The following ATG10 variants were observed in gnomAD, a reference collection of about 807,000 sequenced individuals.
The protein encoded by ATG10 is ubiquitin-like-conjugating enzyme ATG10.
ATG10 carries 30 observed loss-of-function variants against 32.1 expected under a neutral mutation model. The ratio of observed to expected loss-of-function variants is 0.94; its 90% CI spans 0.70 to 1.27. The LOEUF (loss-of-function observed/expected upper bound fraction) is 1.27. Among genes scored for constraint, ATG10 ranks in the 50% most tolerant of loss-of-function variants. The pLI, the probability that ATG10 is intolerant of heterozygous loss-of-function variation, is 0.00. For synonymous variants in ATG10, 87 were observed against 91.5 expected (o/e 0.95, Z 0.28); for missense variants, 233 against 262.3 (o/e 0.89, Z 0.77).
chr5:82,164,011 C>T (rs1400011577), intron 3 of ATG10, among the ~76,000 whole-genome samples: 1 of 152,182 alleles, frequency 6.6e-6, no homozygotes, highest in Non-Finnish European at 1.5e-5. Context: ...CATTTCACAG[C>T]CTCTTGTTCA....
At position 82,164,393 on chromosome 5, in the gene ATG10, T is replaced by A; in HGVS notation, c.217-6T>A. On this transcript the variant is annotated splice_polypyrimidine_tract_variant and splice_region_variant and intron_variant, in intron 3 of 7. Transcript: ENST00000282185. The stretch of plus-strand genomic sequence containing the variant: ...CCGTTTTCGTTTTGTTTTTGCTTTT[T>A]TTTAGGAGGCTTTCGAGCTACCCTT... 1 of 1,613,384 alleles carries A rather than the reference T, an allele frequency of 6.2e-7. No individual in the cohort carries two copies. The highest frequency in any genetic ancestry group is 8.5e-7 in the Non-Finnish European group (1 of 1,179,836).
intron 3 of ATG10, among the ~76,000 whole-genome samples, chr5:82,083,021 G>T (rs550514422): frequency 1.3e-5 from 2 of 152,334 alleles, no homozygotes; most frequent in Admixed American, 1.3e-4. Flanking sequence ...AGCCCATGGA[G>T]CAGGGCGAGG....
intron 3 of ATG10, among the ~76,000 whole-genome samples, chr5:82,158,731 A>G (rs1022530570): frequency 1.3e-5 from 2 of 152,164 alleles, no homozygotes; most frequent in South Asian, 4.1e-4. Flanking sequence ...TAAAAGAAAA[A>G]TAATAAAAAT....
chr5:82,028,205 C>T (rs1762646963), intron 2 of ATG10, among the ~76,000 whole-genome samples: 1 of 152,110 alleles, frequency 6.6e-6, no homozygotes, highest in East Asian at 1.9e-4. Flanking sequence ...AGCATTAATC[C>T]AGATTATTAT....
intron 3 of ATG10, among the ~76,000 whole-genome samples, chr5:82,087,609 A>G (rs1400890093): frequency 1.3e-5 from 2 of 152,140 alleles, no homozygotes; most frequent in Non-Finnish European, 2.9e-5. Context: ...TGCTGGTGAT[A>G]TAGTGGTGAA....
At chr5:82,132,537 G>A (rs1167714499) in intron 3 of ATG10, among the ~76,000 whole-genome samples, 1 of 151,848 alleles carries the variant, frequency 6.6e-6, no homozygotes, top group African/African-American at 2.4e-5. Context: ...AATTTGGTGA[G>A]AATGATGGTT....
rs555659308 is a variant in ATG10, at chr5:82,231,453, C to G, written c.454-21109C>G. 3.9e-5 allele frequency among the ~76,000 whole-genome samples: 6 copies of G among 152,266 alleles called. No individual in the cohort carries two copies. In the East Asian group the frequency reaches 1.2e-3, roughly 29 times the overall value. On this transcript the variant is annotated intron_variant, in intron 5 of 7. Transcript: ENST00000282185. ...ACCTTACTTGCAAAACACCATAATA[C>G]AATGGTTGTCTGAAAAGCTCTATTA...
intron 2 of ATG10, 91 bp downstream of exon 2, chr5:81,987,769 G>T: frequency 3.4e-6 from 3 of 887,712 alleles, no homozygotes; most frequent in African/African-American, 1.7e-5. Flanking sequence ...CTCCATAATT[G>T]AAATTAAGGT....
At chr5:82,090,321 G>A (rs1430521281) in intron 3 of ATG10, among the ~76,000 whole-genome samples, 16 of 151,970 alleles carry the variant, frequency 1.1e-4, no homozygotes. Flanking sequence ...AATTTTTATA[G>A]TAGTTTTATT....
intron 2 of ATG10, among the ~76,000 whole-genome samples, chr5:82,049,523 A>T (rs180962940): frequency 0.011 from 1,666 of 152,250 alleles, 16 homozygotes; most frequent in Non-Finnish European, 0.018. Context: ...CACATTGTGC[A>T]CATGTACCCT....
chr5:82,116,633 A>G (rs1001359803), intron 3 of ATG10, among the ~76,000 whole-genome samples: 3 of 152,086 alleles, frequency 2.0e-5, no homozygotes, highest in African/African-American at 7.2e-5. Context: ...GGTCTATTAT[A>G]TTATTGCCTC....
intron 2 of ATG10, among the ~76,000 whole-genome samples, chr5:82,015,549 C>T (rs997360313): frequency 6.6e-6 from 1 of 152,158 alleles, no homozygotes. Context: ...TTTCTCTAAA[C>T]TTCTCTTCTC....
chr5:82,043,109 A>T (rs1175518560), intron 2 of ATG10, among the ~76,000 whole-genome samples: 2 of 152,180 alleles, frequency 1.3e-5, no homozygotes, highest in African/African-American at 4.8e-5. Flanking sequence ...TTCTGCCTGG[A>T]CATATAGGCA....
intron 3 of ATG10, among the ~76,000 whole-genome samples, chr5:82,163,626 A>C (rs1743455208): frequency 6.6e-6 from 1 of 152,162 alleles, no homozygotes; most frequent in African/African-American, 2.4e-5. Flanking sequence ...AGTGGATGGA[A>C]CCAGGGTCTG....
intron 3 of ATG10, among the ~76,000 whole-genome samples, chr5:82,097,008 G>A (rs1765090584): frequency 6.6e-6 from 1 of 152,082 alleles, no homozygotes; most frequent in South Asian, 2.1e-4. Flanking sequence ...AGTAGTGTGT[G>A]CATTGTGAAG....
intron 3 of ATG10, among the ~76,000 whole-genome samples, chr5:82,129,486 A>C (rs1327603663): frequency 1.3e-5 from 2 of 151,798 alleles, no homozygotes; most frequent in Non-Finnish European, 1.5e-5. Flanking sequence ...GGATTTACCT[A>C]CCTTTGGTCT....
chr5:82,152,914 C>G (rs1767660709), intron 3 of ATG10, among the ~76,000 whole-genome samples: 2 of 152,090 alleles, frequency 1.3e-5, no homozygotes, highest in African/African-American at 2.4e-5. Flanking sequence ...TATACTCATT[C>G]CACTTATTTA....
At chr5:82,022,246 T>TA (rs1254850008) in intron 2 of ATG10, among the ~76,000 whole-genome samples, 1 of 152,014 alleles carries the variant, frequency 6.6e-6, no homozygotes, top group East Asian at 1.9e-4. Context: ...AGCTTGCTGA[T>TA]ACAGAAGACT....
intron 3 of ATG10, among the ~76,000 whole-genome samples, chr5:82,145,956 C>T (rs776276804): frequency 1.3e-5 from 2 of 152,190 alleles, no homozygotes; most frequent in Non-Finnish European, 2.9e-5. Flanking sequence ...ATCCTCCCAC[C>T]TTGGCCTCCC....
Sources: gnomAD v4.1 joint callset for allele counts (sites outside exome capture counted in the v4.1 genomes callset) on GRCh38, gnomAD v4.1.1 for gene constraint, MANE v1.5 for transcripts, NCBI Gene and HGNC (gene_info 2026-07-23, HGNC 2026-07-21) for gene names.